WDPCP: variants seen among roughly 807,000 people sequenced by gnomAD.
WDPCP encodes the protein WD repeat-containing and planar cell polarity effector protein fritz homolog.
Under a neutral mutation model 93.1 loss-of-function variants are expected in WDPCP, and 71 were observed. The observed-to-expected ratio is 0.76, with a 90% confidence interval of 0.63 to 0.93. WDPCP has a LOEUF of 0.93. Ranked by LOEUF, WDPCP falls within the 40% of genes least tolerant of loss-of-function variation. The pLI is 0.00. For synonymous variants in WDPCP, 315 were observed against 315.0 expected (o/e 1.00, Z 0.00); for missense variants, 844 against 887.4 (o/e 0.95, Z 0.62).
At chr2:63,277,889 A>G (rs1683207202) in intron 13 of WDPCP, among the ~76,000 whole-genome samples, 2 of 152,260 alleles carry the variant, frequency 1.3e-5, no homozygotes, top group Admixed American at 1.3e-4. Flanking sequence ...ACTATACTCC[A>G]GAGCAAATGA....
At chr2:63,615,794 C>A (rs1404405864) in intron 3 of WDPCP, among the ~76,000 whole-genome samples, 3 of 152,178 alleles carry the variant, frequency 2.0e-5, no homozygotes, top group Non-Finnish European at 4.4e-5. Context: ...TAGGATTACA[C>A]CTGGGTTCTG....
chr2:63,278,489 T>G lies in WDPCP; in HGVS notation c.1813-19080A>C, dbSNP rs945852251. 3.9e-5 allele frequency among the ~76,000 whole-genome samples: 6 copies of G among 152,202 alleles called. No individual in the cohort carries two copies. The East Asian group carries it at 1.2e-3, about 29-fold the overall frequency. ...ATAAATAAAACAAAAAGCTGTTTCT[T>G]TGAAAAAATAAAATTGATAGACATT... is the stretch of plus-strand genomic sequence containing the variant. On this transcript the variant is annotated intron_variant, in intron 13 of 17. Transcript: ENST00000272321.
intron 14 of WDPCP, among the ~76,000 whole-genome samples, chr2:63,209,800 C>A (rs1676626209): frequency 2.6e-5 from 4 of 152,056 alleles, no homozygotes; most frequent in African/African-American, 9.7e-5. Context: ...TATATTCATA[C>A]AATTGAATAA....
At chr2:63,643,772 T>C in intron 3 of WDPCP, 1 of 536,086 alleles carries the variant, frequency 1.9e-6, no homozygotes, top group Non-Finnish European at 3.8e-6. Flanking sequence ...GTCTTGTCAA[T>C]GCTGATGACA....
chr2:63,289,502 G>C (rs1474599215), intron 13 of WDPCP, among the ~76,000 whole-genome samples: 1 of 151,898 alleles, frequency 6.6e-6, no homozygotes, highest in East Asian at 1.9e-4. Flanking sequence ...ATAGATATTT[G>C]GATGTAATTG....
chr2:63,484,045 G>A (rs984084738), intron 6 of WDPCP, among the ~76,000 whole-genome samples: 7 of 151,912 alleles, frequency 4.6e-5, no homozygotes, highest in South Asian at 2.1e-4. Flanking sequence ...ACTTAAATGC[G>A]GGTAGTGCAA....
At chr2:63,548,551 AAAG>A (rs1227835587) in intron 1 of WDPCP, among the ~76,000 whole-genome samples, 3 of 152,220 alleles carry the variant, frequency 2.0e-5, no homozygotes, top group African/African-American at 7.2e-5. Context: ...CTCAAAAGCT[AAAG>A]AATATGTACT....
At chr2:63,218,283 A>G (rs962407519) in intron 14 of WDPCP, among the ~76,000 whole-genome samples, 1 of 152,152 alleles carries the variant, frequency 6.6e-6, no homozygotes, top group African/African-American at 2.4e-5. Context: ...TTACAAATGA[A>G]TATATATTAC....
At chr2:63,317,595 A>G (rs1436685322) in intron 12 of WDPCP, among the ~76,000 whole-genome samples, 3 of 152,170 alleles carry the variant, frequency 2.0e-5, no homozygotes, top group Admixed American at 6.6e-5. Flanking sequence ...TAGAGAACTT[A>G]GAAATAAAGC....
Position 63,486,552 on chromosome 2 carries a change from C to A in WDPCP, c.243G>T (p.Lys81Asn), listed in dbSNP as rs1206045016. 5 of 1,575,312 alleles carry A rather than the reference C, an allele frequency of 3.2e-6. No homozygotes were observed. The African/African-American group carries it at 6.8e-5, about 21-fold the overall frequency. ...TEHGNLEKKQKLAESRDYPWT... is the reference protein window; with the variant it reads ...TEHGNLEKKQNLAESRDYPWT... ...ATAAAGTAAGCTTACACTCTGCCAGCTTCTGCTTCTTTTCTAAGTTACCAT... is the reference window on the plus strand; with the variant it reads ...ATAAAGTAAGCTTACACTCTGCCAGATTCTGCTTCTTTTCTAAGTTACCAT... The change falls in exon 4 of 18, where the codon AAG (lysine) becomes AAT (asparagine). Residue 81 changes from lysine to asparagine, a missense_variant. Transcript: ENST00000272321.
chr2:63,647,006 C>T, intron 3 of WDPCP, among the ~76,000 whole-genome samples: 1 of 152,282 alleles, frequency 6.6e-6, no homozygotes, highest in Middle Eastern at 3.4e-3. Flanking sequence ...ACTCCTATCT[C>T]TTCCTCTACA....
In WDPCP at chr2:63,530,399, T is replaced by C. The variant is rs942280916; in HGVS notation, c.76-37459A>G. On this transcript the variant is annotated intron_variant, in intron 1 of 17. Coordinates refer to ENST00000272321, the MANE Select transcript of WDPCP (RefSeq NM_015910.7). ...GTGTCCCAGAGATTCTGGTATGCTG[T>C]GTCTTTGTTCTCATTGGTTTCAAAG... 2.0e-5 allele frequency among the ~76,000 whole-genome samples: 3 copies of C among 152,366 alleles called. 1 individual carries two copies. The highest frequency in any genetic ancestry group is 4.1e-4 in the South Asian group (2 of 4,830).
At chr2:63,637,591 T>C (rs940953379) in intron 3 of WDPCP, among the ~76,000 whole-genome samples, 1 of 151,738 alleles carries the variant, frequency 6.6e-6, no homozygotes, top group African/African-American at 2.4e-5. Context: ...AAACAATAAA[T>C]ACACAAATAA....
intron 1 of WDPCP, among the ~76,000 whole-genome samples, chr2:63,821,472 T>C (rs1347183258): frequency 6.6e-6 from 1 of 152,194 alleles, no homozygotes; most frequent in Non-Finnish European, 1.5e-5. Flanking sequence ...AGGGTAGAGT[T>C]AGGTGAGACC....
chr2:63,450,853 C>T (rs1431007613), intron 6 of WDPCP, among the ~76,000 whole-genome samples: 1 of 147,850 alleles, frequency 6.8e-6, no homozygotes, highest in Admixed American at 6.8e-5. Context: ...AAAGTCATCC[C>T]CTACAAAAAC....
At chr2:63,152,664 T>C (rs892074613) in intron 17 of WDPCP, among the ~76,000 whole-genome samples, 3 of 152,236 alleles carry the variant, frequency 2.0e-5, no homozygotes, top group Admixed American at 6.5e-5. Context: ...ATTTCATTTG[T>C]ACCTACTCTG....
rs775383194 is a variant in WDPCP, at chr2:63,404,410, T to A, written c.1073A>T (p.Asp358Val). The change falls in exon 10 of 18, where the codon GAT (aspartate) becomes GTT (valine). Residue 358 changes from aspartate (D) to valine (V), a missense_variant. Transcript: ENST00000272321. ...AGTTTCATAAAGAATTAGCGAAGAA[T>A]CTTCACAGCCCAGAATCAGTTTGTC... ...TEDKLILGCE[D>V]SSLILYETHR... is the part of the protein sequence containing the mutation. 2 of 1,614,062 alleles carry A rather than the reference T, an allele frequency of 1.2e-6. No individual in the cohort carries two copies. Among genetic ancestry groups the A allele is most frequent in the Non-Finnish European group, 1.7e-6 (2 of 1,180,016 alleles).
intron 1 of WDPCP, among the ~76,000 whole-genome samples, chr2:63,517,024 C>T (rs1406033048): frequency 8.5e-5 from 13 of 152,054 alleles, no homozygotes; most frequent in Non-Finnish European, 1.8e-4. Context: ...TCTCACTATC[C>T]GTCACCACTT....
intron 1 of WDPCP, among the ~76,000 whole-genome samples, chr2:63,575,148 A>T (rs2106498185): frequency 6.6e-6 from 1 of 151,786 alleles, no homozygotes; most frequent in East Asian, 2.0e-4. Context: ...TGCCTAGGGG[A>T]CAACTACCAT....
Sources: gnomAD v4.1 joint callset for allele counts (sites outside exome capture counted in the v4.1 genomes callset) on GRCh38, gnomAD v4.1.1 for gene constraint, MANE v1.5 for transcripts, NCBI Gene and HGNC (gene_info 2026-07-23, HGNC 2026-07-21) for gene names.